The following NAA10 variants were observed in gnomAD, a reference collection of about 807,000 sequenced individuals.
NAA10 encodes the protein N-alpha-acetyltransferase 10.
Under a neutral mutation model 19.2 loss-of-function variants are expected in NAA10, and 6 were observed. The ratio of observed to expected loss-of-function variants is 0.31; its 90% CI spans 0.17 to 0.62. NAA10 has a LOEUF of 0.62. Among genes scored for constraint, NAA10 ranks in the 20% least tolerant of loss-of-function variants. NAA10 has a pLI of 0.83. For synonymous variants in NAA10, 97 were observed against 79.9 expected (o/e 1.21, Z -1.14); for missense variants, 101 against 198.4 (o/e 0.51, Z 2.95).
Position 153,934,867 on chromosome X carries a change from C to A in NAA10, c.21+17G>T, listed in dbSNP as rs1557108091. The A allele has an allele frequency of 2.0e-6, 2 of 1,002,553 alleles. No individual in the cohort carries two copies. The highest frequency in any genetic ancestry group is 5.5e-5 in the South Asian group (2 of 36,141). 82.6% of individuals were successfully genotyped at this position (1,002,553 alleles called of 1,213,427 possible). A position where few individuals can be genotyped will look rare whatever the true frequency, so the allele number is the denominator to read the frequency against. Reference sequence around the variant, plus strand: ...GCGCCCACGCGGCGCGGACAGCCTCCCGCCCCGGGCGCTCACCCTCGCATT... The same window carrying A: ...GCGCCCACGCGGCGCGGACAGCCTCACGCCCCGGGCGCTCACCCTCGCATT... On this transcript the variant is annotated intron_variant, in intron 1 of 7. Coordinates refer to ENST00000464845, the MANE Select transcript of NAA10 (RefSeq NM_003491.4).
chrX:153,933,145 A>G (rs1419174131), intron 3 of NAA10, among the ~76,000 whole-genome samples: 1 of 112,346 alleles, frequency 8.9e-6, no homozygotes, highest in Non-Finnish European at 1.9e-5. Context: ...CCAGCCTGAA[A>G]AAGCTGTATA....
Position 153,929,539 on chromosome X carries a change from T to G in NAA10, c.*448A>C. 1 of 149,967 alleles carries G rather than the reference T, an allele frequency of 6.7e-6. No individual in the cohort carries two copies. The highest frequency in any genetic ancestry group is 2.9e-3 in the Middle Eastern group (1 of 348). The allele number at this position is 149,967 out of a possible 1,213,427, so 12.4% of individuals were successfully genotyped here. The stretch of plus-strand genomic sequence containing the variant: ...TGTCCACATCTGGAGCCCACGGGTA[T>G]GCTGGGGAGCTGCTGTAGCCCGAAG... On this transcript the variant is annotated 3_prime_UTR_variant, in exon 8 of 8. Transcript: ENST00000464845.
chrX:153,930,056 G>A lies in NAA10; in HGVS notation c.639C>T (p.Ser213=), dbSNP rs376599913. ...EDSGGDSKDL[S]EVSETTESTD... is the part of the protein sequence containing the mutation. ...TGCTCTCTGTGGTCTCGCTGACCTCGCTGAGGTCCTTGCTGTCCCCACCAC... is the reference window on the plus strand; with the variant it reads ...TGCTCTCTGTGGTCTCGCTGACCTCACTGAGGTCCTTGCTGTCCCCACCAC... The change falls in exon 8 of 8, where the codon AGC becomes AGT. Residue 213 remains serine, a synonymous_variant. Coordinates refer to ENST00000464845, the MANE Select transcript of NAA10 (RefSeq NM_003491.4). 4.1e-6 allele frequency: 5 copies of A among 1,208,850 alleles called. No individual in the cohort carries two copies. Among genetic ancestry groups the A allele is most frequent in the Admixed American group, 2.2e-5 (1 of 45,718 alleles).
At chrX:153,931,271 G>A (rs1385157728) in intron 6 of NAA10, 6 of 892,494 alleles carry the variant, frequency 6.7e-6, no homozygotes, top group East Asian at 1.6e-4. Context: ...GCAGACTCGC[G>A]TGGCCATGTC....
chrX:153,931,006 T>G (rs907454464), intron 6 of NAA10, 159 bp from the exon 7 acceptor site: 43 of 1,175,973 alleles, frequency 3.7e-5, no homozygotes, highest in Non-Finnish European at 4.6e-5. Context: ...CTCTGTTCTC[T>G]CCAGCAAAGG....
chrX:153,933,921 G>A, intron 3 of NAA10, 22 bp downstream of exon 3: 1 of 1,198,236 alleles, frequency 8.3e-7, no homozygotes, highest in Non-Finnish European at 1.1e-6. Context: ...TGTAGCTTCT[G>A]TCTTCCTCCT....
chrX:153,934,117 G>C lies in NAA10; in HGVS notation c.121-116C>G, dbSNP rs782639226. On this transcript the variant is annotated intron_variant, in intron 2 of 7. Transcript: ENST00000464845. The stretch of plus-strand genomic sequence containing the variant: ...TGATGGCTCATGACCTCCGGGCTGA[G>C]TGGCTTGGTCTCCCCCTCGCCACAC... 10 of 727,510 alleles carry C rather than the reference G, an allele frequency of 1.4e-5. No homozygotes were observed. The South Asian group carries it at 2.1e-4, about 16-fold the overall frequency. The allele number at this position is 727,510 out of a possible 1,213,427, so 60.0% of individuals were successfully genotyped here. A position where few individuals can be genotyped will look rare whatever the true frequency, so the allele number is the denominator to read the frequency against.
At position 153,929,940 on chromosome X, in the gene NAA10, G is replaced by C; in HGVS notation, c.*47C>G. Reference sequence around the variant, plus strand: ...ACAAAGTTCCCCAGTGCCACGGAGCGAATTTATTGTGAAAGCTCGTGGGGT... The same window carrying C: ...ACAAAGTTCCCCAGTGCCACGGAGCCAATTTATTGTGAAAGCTCGTGGGGT... On this transcript the variant is annotated 3_prime_UTR_variant, in exon 8 of 8. Coordinates refer to ENST00000464845, the MANE Select transcript of NAA10 (RefSeq NM_003491.4). The C allele has an allele frequency of 9.1e-7, 1 of 1,103,008 alleles. No individual in the cohort carries two copies. Among genetic ancestry groups the C allele is most frequent in the Non-Finnish European group, 1.3e-6 (1 of 797,423 alleles). The allele number at this position is 1,103,008 out of a possible 1,213,427, so 90.9% of individuals were successfully genotyped here.
intron 4 of NAA10, 30 bp from the exon 5 acceptor site, chrX:153,932,461 G>A (rs370046313): frequency 8.3e-7 from 1 of 1,202,244 alleles, no homozygotes; most frequent in Admixed American, 2.2e-5. Context: ...GATGGGGTGA[G>A]GGACTGGGAC....
intron 3 of NAA10, 64 bp from the exon 4 acceptor site, chrX:153,932,648 C>G (rs2065173388): frequency 9.5e-7 from 1 of 1,053,751 alleles, no homozygotes. Context: ...CTCCAGCCCC[C>G]CTGCCATTTG....
chrX:153,934,616 C>T (rs1557108032), intron 1 of NAA10, 141 bp from the exon 2 acceptor site: 5 of 607,495 alleles, frequency 8.2e-6, no homozygotes, highest in South Asian at 2.4e-5. Context: ...TTGCACAACG[C>T]CCGGAGCACA....
chrX:153,934,969 G>C lies in NAA10; in HGVS notation c.-65C>G. On this transcript the variant is annotated 5_prime_UTR_variant, in exon 1 of 8. Transcript: ENST00000464845. ...GCGCAGTCAGCTGCCGCCGCGCTCC[G>C]AAGCGACGCCGGGACGGCCGGGGCT... 1.1e-6 allele frequency: 1 copy of C among 932,094 alleles called. No homozygotes were observed. Among genetic ancestry groups the C allele is most frequent in the Admixed American group, 4.5e-5 (1 of 22,366 alleles). 76.8% of individuals were successfully genotyped at this position (932,094 alleles called of 1,213,427 possible). A position where few individuals can be genotyped will look rare whatever the true frequency, so the allele number is the denominator to read the frequency against.
At chrX:153,933,901 A>C (rs1557107831) in intron 3 of NAA10, 42 bp downstream of exon 3, 3 of 1,136,993 alleles carry the variant, frequency 2.6e-6, no homozygotes, top group Admixed American at 4.4e-5. Context: ...AGAGGCATCC[A>C]CCAGACACGT....
At position 153,930,642 on chromosome X, in the gene NAA10, T is replaced by C; in HGVS notation, c.471+121A>G. On this transcript the variant is annotated intron_variant, in intron 7 of 7. Coordinates refer to ENST00000464845, the MANE Select transcript of NAA10 (RefSeq NM_003491.4). The stretch of plus-strand genomic sequence containing the variant: ...AGCCCAGCCTAGGAAACTGAGGTCG[T>C]GACTCCTGGCAACGTAGCCACAAGA... 22 of 755,435 alleles carry C rather than the reference T, an allele frequency of 2.9e-5. No homozygotes were observed. The South Asian group carries it at 4.3e-4, about 15-fold the overall frequency. The allele number at this position is 755,435 out of a possible 1,213,427, so 62.3% of individuals were successfully genotyped here.
chrX:153,933,164 T>G (rs181719524), intron 3 of NAA10, among the ~76,000 whole-genome samples: 10 of 112,251 alleles, frequency 8.9e-5, no homozygotes, highest in Middle Eastern at 4.6e-3. Context: ...TATAGTATGA[T>G]TCCAACTCTG....
intron 6 of NAA10, 153 bp downstream of exon 6, chrX:153,931,918 T>C: frequency 8.5e-7 from 1 of 1,175,921 alleles, no homozygotes. Context: ...GCCGAGTGAA[T>C]GTGGAGGTAT....
chrX:153,929,934 C>T lies in NAA10; in HGVS notation c.*53G>A. The T allele has an allele frequency of 9.4e-7, 1 of 1,062,149 alleles. No homozygotes were observed. The allele number at this position is 1,062,149 out of a possible 1,213,427, so 87.5% of individuals were successfully genotyped here. ...TCACACACAAAGTTCCCCAGTGCCA[C>T]GGAGCGAATTTATTGTGAAAGCTCG... On this transcript the variant is annotated 3_prime_UTR_variant, in exon 8 of 8. Transcript: ENST00000464845.
intron 6 of NAA10, chrX:153,931,801 C>T (rs2065167995): frequency 1.9e-6 from 2 of 1,075,214 alleles, no homozygotes; most frequent in Non-Finnish European, 2.4e-6. Flanking sequence ...GCCCGTGTGC[C>T]CTTCGCCAGC....
At chrX:153,934,108 C>G (rs782809196) in intron 2 of NAA10, 107 bp from the exon 3 acceptor site, 9 of 775,170 alleles carry the variant, frequency 1.2e-5, no homozygotes, top group Middle Eastern at 3.1e-4. Flanking sequence ...CTCATGACCT[C>G]CGGGCTGAGT....
Sources: gnomAD v4.1 joint callset for allele counts (sites outside exome capture counted in the v4.1 genomes callset) on GRCh38, gnomAD v4.1.1 for gene constraint, MANE v1.5 for transcripts, NCBI Gene and HGNC (gene_info 2026-07-23, HGNC 2026-07-21) for gene names.